CADPS2: variants seen among roughly 807,000 people sequenced by gnomAD.
CADPS2 encodes the protein calcium dependent secretion activator 2, also known as calcium-dependent secretion activator 2.
Under a neutral mutation model 172.5 loss-of-function variants are expected in CADPS2, and 93 were observed. The ratio of observed to expected loss-of-function variants is 0.54; its 90% CI spans 0.46 to 0.64. The LOEUF is 0.64. CADPS2 is among the 30% of genes least tolerant of loss of function. The pLI is 0.00. For synonymous variants in CADPS2, 546 were observed against 555.2 expected (o/e 0.98, Z 0.23); for missense variants, 1,420 against 1,565.9 (o/e 0.91, Z 1.57).
At chr7:122,595,920 AG>A (rs1483695505) in intron 6 of CADPS2, among the ~76,000 whole-genome samples, 99 of 152,190 alleles carry the variant, frequency 6.5e-4, no homozygotes, top group Non-Finnish European at 7.4e-5. Flanking sequence ...TGGATACTCA[AG>A]TGCAATGTGA....
chr7:122,391,483 G>A (rs2044360662), intron 22 of CADPS2, among the ~76,000 whole-genome samples: 1 of 152,006 alleles, frequency 6.6e-6, no homozygotes, highest in African/African-American at 2.4e-5. Context: ...GAGAAATTAG[G>A]AAGAAAAGGA....
rs1035120000 is a variant in CADPS2 at position 122,732,980 on chromosome 7, T to C, written c.453+3975A>G. On this transcript the variant is annotated intron_variant, in intron 2 of 29. Transcript: ENST00000449022. ...TATCACAGCTAAAGGATTGTAAACATAATAAATGAGCAAATTACCACTTAA... is the reference window on the plus strand; with the variant it reads ...TATCACAGCTAAAGGATTGTAAACACAATAAATGAGCAAATTACCACTTAA... Among the ~76,000 whole-genome samples the C allele has an allele frequency of 7.4e-5, 11 of 149,422 alleles. 1 individual carries two copies. Among genetic ancestry groups the C allele is most frequent in the Middle Eastern group, 3.5e-3 (1 of 282 alleles).
chr7:122,447,161 A>T (rs1384932701), intron 15 of CADPS2, among the ~76,000 whole-genome samples: 1 of 150,692 alleles, frequency 6.6e-6, no homozygotes, highest in Admixed American at 6.7e-5. Context: ...TCTACATTAC[A>T]TTAGTTATGA....
chr7:122,849,406 A>G (rs1812909887), intron 1 of CADPS2, among the ~76,000 whole-genome samples: 1 of 152,198 alleles, frequency 6.6e-6, no homozygotes. Context: ...GAATTCTGAA[A>G]GCTTGGTTAT....
At chr7:122,399,811 C>A (rs1349483024) in intron 20 of CADPS2, among the ~76,000 whole-genome samples, 1 of 150,288 alleles carries the variant, frequency 6.7e-6, no homozygotes, top group South Asian at 2.1e-4. Context: ...CTCAGCCTCC[C>A]GAGTAGCTGG....
intron 24 of CADPS2, among the ~76,000 whole-genome samples, chr7:122,385,772 G>A (rs1309830448): frequency 6.6e-6 from 1 of 151,968 alleles, no homozygotes; most frequent in Non-Finnish European, 1.5e-5. Context: ...TATCACTGGT[G>A]GGCTTGTACC....
intron 7 of CADPS2, among the ~76,000 whole-genome samples, chr7:122,568,045 A>C (rs901222993): frequency 6.6e-6 from 1 of 152,148 alleles, no homozygotes; most frequent in Non-Finnish European, 1.5e-5. Context: ...ATATAGTCTA[A>C]GTGTAAAGAA....
chr7:122,867,895 G>T lies in CADPS2; in HGVS notation c.339+18104C>A, dbSNP rs115181708. Among the ~76,000 whole-genome samples, 818 of 152,174 alleles carry T rather than the reference G, an allele frequency of 5.4e-3. 12 individuals carry two copies. Among genetic ancestry groups the T allele is most frequent in the African/African-American group, 0.019 (782 of 41,538 alleles). On this transcript the variant is annotated intron_variant, in intron 1 of 29. Transcript: ENST00000449022. ...AGATATAGTCCTGCAATCTCACATTGGAAGGAAGCTGGGGAATGGGCCTCT... is the reference window on the plus strand; with the variant it reads ...AGATATAGTCCTGCAATCTCACATTTGAAGGAAGCTGGGGAATGGGCCTCT...
chr7:122,427,346 T>C (rs1300719996), intron 17 of CADPS2: 1 of 152,128 alleles, frequency 6.6e-6, no homozygotes, highest in Non-Finnish European at 1.5e-5. Flanking sequence ...ATAAGAAAGT[T>C]AAAAATTTTG....
intron 4 of CADPS2, among the ~76,000 whole-genome samples, chr7:122,628,788 G>T (rs2076309566): frequency 6.8e-6 from 1 of 147,594 alleles, no homozygotes; most frequent in African/African-American, 2.5e-5. Flanking sequence ...TTGCATACTA[G>T]ATACTTAAAA....
intron 1 of CADPS2, among the ~76,000 whole-genome samples, chr7:122,829,468 T>A (rs1805859805): frequency 6.6e-6 from 1 of 152,192 alleles, no homozygotes; most frequent in South Asian, 2.1e-4. Flanking sequence ...TAAGACCAAC[T>A]CCTCAGATTC....
intron 3 of CADPS2, among the ~76,000 whole-genome samples, chr7:122,657,743 T>C (rs891344639): frequency 1.3e-4 from 20 of 152,334 alleles, no homozygotes; most frequent in African/African-American, 4.1e-4. Context: ...TATACAATCA[T>C]GTCATCTGCA....
At chr7:122,841,298 A>G (rs1810418999) in intron 1 of CADPS2, among the ~76,000 whole-genome samples, 1 of 152,190 alleles carries the variant, frequency 6.6e-6, no homozygotes, top group Non-Finnish European at 1.5e-5. Context: ...AGTACCAATC[A>G]TTAAAACCCT....
chr7:122,622,815 A>T (rs1359614074), intron 4 of CADPS2, among the ~76,000 whole-genome samples: 6 of 152,144 alleles, frequency 3.9e-5, no homozygotes, highest in Non-Finnish European at 8.8e-5. Flanking sequence ...CCTTGACATC[A>T]TTCAAAATCT....
chr7:122,416,117 G>A lies in CADPS2; in HGVS notation c.2524C>T (p.His842Tyr). The change falls in exon 18 of 30, where the codon CAT (histidine) becomes TAT (tyrosine). Residue 842 changes from histidine (H) to tyrosine (Y), a missense_variant. Physicochemically the swap from His to Tyr is moderately conservative, Grantham distance 83. Coordinates refer to ENST00000449022, the MANE Select transcript of CADPS2 (RefSeq NM_017954.11). ...ACTTCTATGCAGAGCTCTGCCAGATGAAGAATCTCTTCCAGCTTTCTAGCA... is the reference window on the plus strand; with the variant it reads ...ACTTCTATGCAGAGCTCTGCCAGATAAAGAATCTCTTCCAGCTTTCTAGCA... ...SPARKLEEIL[H>Y]LAELCIEVLQ... 1.3e-6 allele frequency: 2 copies of A among 1,554,578 alleles called. No homozygotes were observed. The highest frequency in any genetic ancestry group is 8.7e-7 in the Non-Finnish European group (1 of 1,145,588).
intron 2 of CADPS2, among the ~76,000 whole-genome samples, chr7:122,679,268 G>GT (rs1554715383): frequency 9.9e-6 from 1 of 100,954 alleles, no homozygotes; most frequent in East Asian, 4.1e-4. Context: ...GCATTCCTGG[G>GT]GGGGGGGGGC....
chr7:122,696,844 A>G (rs1374984089), intron 2 of CADPS2, among the ~76,000 whole-genome samples: 1 of 152,244 alleles, frequency 6.6e-6, no homozygotes, highest in African/African-American at 2.4e-5. Flanking sequence ...TACAACAAAG[A>G]TATTTATCAT....
intron 27 of CADPS2, among the ~76,000 whole-genome samples, chr7:122,350,773 G>C (rs2038427713): frequency 6.6e-6 from 1 of 151,220 alleles, no homozygotes; most frequent in Admixed American, 6.6e-5. Flanking sequence ...ATTGCTTGAG[G>C]CCAGGGGTTT....
In CADPS2 at chr7:122,456,253, G is replaced by T. The variant is rs559603947; in HGVS notation, c.2187-4778C>A. Among the ~76,000 whole-genome samples the T allele has an allele frequency of 1.3e-4, 20 of 152,034 alleles. No homozygotes were observed. The East Asian group carries it at 1.5e-3, about 12-fold the overall frequency. On this transcript the variant is annotated intron_variant, in intron 14 of 29. Transcript: ENST00000449022. The stretch of plus-strand genomic sequence containing the variant: ...ATAATCCTGCTTTGACATTGATAAA[G>T]ATTCTGTTAAAATGTGGTTATTTAA...
Sources: gnomAD v4.1 joint callset for allele counts (sites outside exome capture counted in the v4.1 genomes callset) on GRCh38, gnomAD v4.1.1 for gene constraint, MANE v1.5 for transcripts, NCBI Gene and HGNC (gene_info 2026-07-23, HGNC 2026-07-21) for gene names.